XKR6: variants seen among roughly 807,000 people sequenced by gnomAD.
The protein encoded by XKR6 is XK-related protein 6.
Under a neutral mutation model 56.7 loss-of-function variants are expected in XKR6, and 22 were observed. The ratio of observed to expected loss-of-function variants is 0.39; its 90% CI spans 0.28 to 0.55. XKR6 has a LOEUF of 0.55. XKR6 is among the 20% of genes least tolerant of loss of function. The pLI, the probability that XKR6 is intolerant of heterozygous loss-of-function variation, is 0.66. For synonymous variants in XKR6, 524 were observed against 387.8 expected (o/e 1.35, Z -4.13); for missense variants, 852 against 889.0 (o/e 0.96, Z 0.53).
chr8:10,898,422 C>A lies in XKR6; in HGVS notation c.1456G>T (p.Ala486Ser), dbSNP rs775763161. The change falls in exon 3 of 3, where the codon GCT becomes TCT. Residue 486 changes from alanine to serine, a missense_variant. Coordinates refer to ENST00000416569, the MANE Select transcript of XKR6 (RefSeq NM_173683.4). The surrounding 1 kb of genome is among the most constrained non-coding windows in gnomAD (Gnocchi z 6.6). The stretch of plus-strand genomic sequence containing the variant: ...TATAAGAGCATCATTGCGATCCCAG[C>A]CACAAAGCTAATAAAGACACAACAC... ...ALCCVFISFVAGIAMMLLYYG... is the reference protein window; with the variant it reads ...ALCCVFISFVSGIAMMLLYYG... 1.9e-6 allele frequency: 3 copies of A among 1,614,032 alleles called. No homozygotes were observed. The highest frequency in any genetic ancestry group is 2.5e-6 in the Non-Finnish European group (3 of 1,179,994).
chr8:10,983,240 C>T (rs890448520), intron 1 of XKR6, among the ~76,000 whole-genome samples: 1 of 151,910 alleles, frequency 6.6e-6, no homozygotes, highest in Non-Finnish European at 1.5e-5. Context: ...TCAAGACCTG[C>T]TTTTTTTGGG....
At chr8:11,146,693 T>C (rs530232608) in intron 1 of XKR6, among the ~76,000 whole-genome samples, 235 of 150,360 alleles carry the variant, frequency 1.6e-3, no homozygotes, top group African/African-American at 5.5e-3. Context: ...TTACAAGATA[T>C]TATTATGAGA....
intron 1 of XKR6, among the ~76,000 whole-genome samples, chr8:11,143,188 G>A (rs1800790763): frequency 2.0e-5 from 3 of 151,916 alleles, no homozygotes; most frequent in South Asian, 2.1e-4. Context: ...ATAAAAAAAA[G>A]AAACAAAGAA....
At chr8:11,127,142 C>T (rs1298431970) in intron 1 of XKR6, among the ~76,000 whole-genome samples, 1 of 152,140 alleles carries the variant, frequency 6.6e-6, no homozygotes, top group African/African-American at 2.4e-5. Flanking sequence ...TAACCAACTC[C>T]CTTCCGGCAA....
At chr8:11,112,752 G>A (rs1420653606) in intron 1 of XKR6, among the ~76,000 whole-genome samples, 20 of 152,316 alleles carry the variant, frequency 1.3e-4, no homozygotes, top group Admixed American at 1.2e-3. Context: ...TAAAATCACT[G>A]CTCTCCCAGT....
chr8:11,176,787 C>A (rs1346215038), intron 1 of XKR6, among the ~76,000 whole-genome samples: 1 of 152,030 alleles, frequency 6.6e-6, no homozygotes, highest in Non-Finnish European at 1.5e-5. Flanking sequence ...GCCACCAAAT[C>A]CAAGCAGGAG....
At chr8:11,162,463 A>G (rs78207581) in intron 1 of XKR6, among the ~76,000 whole-genome samples, 10,798 of 152,258 alleles carry the variant, frequency 0.071, 654 homozygotes, top group African/African-American at 0.16. Flanking sequence ...AAACAAAACA[A>G]AACAAAAAAA....
At chr8:11,117,474 C>T (rs1311127220) in intron 1 of XKR6, among the ~76,000 whole-genome samples, 1 of 152,136 alleles carries the variant, frequency 6.6e-6, no homozygotes, top group South Asian at 2.1e-4. Flanking sequence ...GTCTGAATGA[C>T]GGCGTGGAGA....
intron 1 of XKR6, chr8:11,195,123 CA>C: frequency 1.4e-6 from 1 of 703,052 alleles, no homozygotes; most frequent in South Asian, 1.5e-5. Context: ...CTGGATTTTT[CA>C]GATGGGAGGA....
chr8:11,166,466 G>C (rs994335862), intron 1 of XKR6, among the ~76,000 whole-genome samples: 5 of 152,154 alleles, frequency 3.3e-5, no homozygotes, highest in South Asian at 2.1e-4. Context: ...CTAGTCTATG[G>C]TGGGATTTTG....
chr8:10,953,539 T>G (rs998802704), intron 1 of XKR6, among the ~76,000 whole-genome samples: 1 of 152,196 alleles, frequency 6.6e-6, no homozygotes, highest in African/African-American at 2.4e-5. Flanking sequence ...ATCATAGCAA[T>G]GCAAGAATGA....
intron 1 of XKR6, among the ~76,000 whole-genome samples, chr8:10,941,148 A>G: frequency 6.6e-6 from 1 of 152,030 alleles, no homozygotes; most frequent in East Asian, 1.9e-4. Context: ...GCCCTGTCCA[A>G]CAGGCTCCTT....
At chr8:11,044,553 T>C (rs577390908) in intron 1 of XKR6, among the ~76,000 whole-genome samples, 3 of 152,278 alleles carry the variant, frequency 2.0e-5, no homozygotes, top group South Asian at 2.1e-4. Context: ...GTGTACTTTA[T>C]GGCAAACACA....
intron 1 of XKR6, among the ~76,000 whole-genome samples, chr8:10,953,821 T>G (rs142086345): frequency 6.6e-6 from 1 of 152,238 alleles, no homozygotes; most frequent in African/African-American, 2.4e-5. Flanking sequence ...CTACCTGTTC[T>G]TCCATTCCAC....
At chr8:11,076,208 G>A (rs1464497961) in intron 1 of XKR6, among the ~76,000 whole-genome samples, 2 of 152,200 alleles carry the variant, frequency 1.3e-5, no homozygotes, top group African/African-American at 4.8e-5. Flanking sequence ...GGGGTTGCCA[G>A]GGGCTGAGGG....
At chr8:11,000,372 G>A (rs1049692396) in intron 1 of XKR6, among the ~76,000 whole-genome samples, 3 of 152,282 alleles carry the variant, frequency 2.0e-5, no homozygotes, top group South Asian at 4.2e-4. Flanking sequence ...TCCTCGTGGA[G>A]CACATAATTC....
At chr8:11,027,935 G>A (rs562382022) in intron 1 of XKR6, among the ~76,000 whole-genome samples, 1 of 152,162 alleles carries the variant, frequency 6.6e-6, no homozygotes, top group South Asian at 2.1e-4. Context: ...TGCACTTGTT[G>A]CAATCGATGA....
chr8:10,954,797 A>G (rs1010557941), intron 1 of XKR6, among the ~76,000 whole-genome samples: 1 of 143,316 alleles, frequency 7.0e-6, no homozygotes, highest in African/African-American at 2.7e-5. Context: ...TAGCTTTAAC[A>G]TTTAGGTCTA....
At chr8:10,968,594 C>T (rs146677073) in intron 1 of XKR6, among the ~76,000 whole-genome samples, 4 of 152,350 alleles carry the variant, frequency 2.6e-5, no homozygotes, top group East Asian at 1.9e-4. Context: ...CACCAGTCCT[C>T]GGTGTTTGCC....
Sources: gnomAD v4.1 joint callset for allele counts (sites outside exome capture counted in the v4.1 genomes callset) on GRCh38, gnomAD v4.1.1 for gene constraint, Gnocchi (gnomAD v3.1) non-coding constraint, MANE v1.5 for transcripts, NCBI Gene and HGNC (gene_info 2026-07-23, HGNC 2026-07-21) for gene names.